Variants in TAF3 observed in about 807,000 individuals in gnomAD.
The protein encoded by TAF3 is transcription initiation factor TFIID subunit 3.
A neutral mutation model predicts 80.6 loss-of-function variants in TAF3; 7 were observed. The ratio of observed to expected loss-of-function variants is 0.09; its 90% CI spans 0.05 to 0.16. The LOEUF (loss-of-function observed/expected upper bound fraction) is 0.16, where lower values mean the gene tolerates loss of function less well. TAF3 is among the 10% of genes least tolerant of loss of function. The pLI, the probability that TAF3 is intolerant of heterozygous loss-of-function variation, is 1.00. For missense variants in TAF3, 921 were observed against 1,140.2 expected (o/e 0.81, Z 2.77); for synonymous variants, 444 against 446.1 (o/e 1.00, Z 0.06).
At chr10:7,997,178 T>G (rs1399093622) in intron 4 of TAF3, among the ~76,000 whole-genome samples, 3 of 152,240 alleles carry the variant, frequency 2.0e-5, no homozygotes, top group Non-Finnish European at 4.4e-5. Flanking sequence ...TTCTATAAAA[T>G]TCATGGAAGT....
In TAF3 at chr10:7,833,753, C is replaced by G. The variant is rs576822302; in HGVS notation, c.409+9193C>G. ...TCTCCTCAGTGGTGACTTGAGCTTT[C>G]TCCTTCTCATAGACATTCTGGATGG... On this transcript the variant is annotated intron_variant, in intron 2 of 6. Coordinates refer to ENST00000344293, the MANE Select transcript of TAF3 (RefSeq NM_031923.4). The G allele has an allele frequency of 8.2e-5, 21 of 254,778 alleles. No homozygotes were observed. In the South Asian group the frequency reaches 2.1e-3, roughly 25 times the overall value. The allele number at this position is 254,778 out of a possible 1,614,324, so 15.8% of individuals were successfully genotyped here. A position where few individuals can be genotyped will look rare whatever the true frequency, so the allele number is the denominator to read the frequency against.
At chr10:7,958,704 G>T (rs1838160129) in intron 2 of TAF3, among the ~76,000 whole-genome samples, 1 of 152,324 alleles carries the variant, frequency 6.6e-6, no homozygotes, top group South Asian at 2.1e-4. Context: ...GCAGGCGATG[G>T]CCTCGCAGGT....
chr10:7,964,463 C>T lies in TAF3; in HGVS notation c.953C>T (p.Pro318Leu). The stretch of plus-strand genomic sequence containing the variant: ...AAATCACCTGGACGTTCCAAGAGCC[C>T]CAAGAGTCCCAAGAGCCCCAAGGTC... ...EKKSPGRSKS[P>L]KSPKSPKVTT... is the part of the protein sequence containing the mutation. Residue 318 changes from proline to leucine, a missense_variant, in exon 3 of 7, where the codon CCC (proline) becomes CTC (leucine). This residue lies in a region of TAF3 where 743 missense variants were observed against 821.0 expected (regional missense o/e 0.90). Coordinates refer to ENST00000344293, the MANE Select transcript of TAF3 (RefSeq NM_031923.4). This position sits in a 1 kb window ranked among gnomAD's most constrained non-coding sequence, Gnocchi z 4.1. 6.2e-7 allele frequency: 1 copy of T among 1,613,652 alleles called. No individual in the cohort carries two copies. Among genetic ancestry groups the T allele is most frequent in the East Asian group, 2.2e-5 (1 of 44,860 alleles).
intron 4 of TAF3, among the ~76,000 whole-genome samples, chr10:8,006,078 T>G (rs1173023624): frequency 1.3e-5 from 2 of 151,946 alleles, no homozygotes; most frequent in African/African-American, 4.8e-5. Context: ...GCCTGTAATC[T>G]CAGCACTTTG....
intron 2 of TAF3, among the ~76,000 whole-genome samples, chr10:7,827,690 G>T (rs1288701511): frequency 6.6e-6 from 1 of 151,510 alleles, no homozygotes; most frequent in Non-Finnish European, 1.5e-5. Flanking sequence ...TGAGGCAGGA[G>T]AATGGCGTGA....
At chr10:7,856,775 G>A (rs944388267) in intron 2 of TAF3, among the ~76,000 whole-genome samples, 1 of 151,042 alleles carries the variant, frequency 6.6e-6, no homozygotes, top group Non-Finnish European at 1.5e-5. Context: ...CCAAAGATTA[G>A]GGTTTTATCT....
At chr10:7,902,675 C>G (rs2131172619) in intron 2 of TAF3, among the ~76,000 whole-genome samples, 1 of 152,218 alleles carries the variant, frequency 6.6e-6, no homozygotes, top group Non-Finnish European at 1.5e-5. Context: ...GTAAAGGTCA[C>G]TTTCTCCCTT....
At chr10:7,899,844 ATAT>A (rs911011271) in intron 2 of TAF3, among the ~76,000 whole-genome samples, 1 of 152,238 alleles carries the variant, frequency 6.6e-6, no homozygotes, top group Admixed American at 6.5e-5. Context: ...AGGGAAATGA[ATAT>A]ACACGTGCAC....
At chr10:7,864,772 CATT>C (rs1403148996) in intron 2 of TAF3, among the ~76,000 whole-genome samples, 1 of 151,982 alleles carries the variant, frequency 6.6e-6, no homozygotes, top group Non-Finnish European at 1.5e-5. Flanking sequence ...ATTTTATTAA[CATT>C]ATCTTTCAAG....
intron 4 of TAF3, among the ~76,000 whole-genome samples, chr10:7,978,790 T>G (rs939510550): frequency 6.6e-6 from 1 of 152,244 alleles, no homozygotes; most frequent in Non-Finnish European, 1.5e-5. Flanking sequence ...TTATATTTAT[T>G]CCCATGTCTC....
intron 4 of TAF3, among the ~76,000 whole-genome samples, chr10:8,007,799 G>T (rs1832011323): frequency 6.6e-6 from 1 of 151,560 alleles, no homozygotes. Context: ...TTTGTAAAGT[G>T]CCTAGTATAA....
intron 2 of TAF3, among the ~76,000 whole-genome samples, chr10:7,826,518 T>A (rs775403792): frequency 2.6e-5 from 4 of 152,222 alleles, no homozygotes; most frequent in Non-Finnish European, 5.9e-5. Flanking sequence ...TTTTTGGGTT[T>A]CTTTTCTGGG....
At chr10:7,832,890 T>C (rs1051686501) in intron 2 of TAF3, among the ~76,000 whole-genome samples, 20 of 152,192 alleles carry the variant, frequency 1.3e-4, no homozygotes, top group Non-Finnish European at 2.2e-4. Context: ...ATTCCAGTTA[T>C]ACTCTTTTAG....
intron 2 of TAF3, among the ~76,000 whole-genome samples, chr10:7,830,875 G>T (rs997639204): frequency 1.3e-5 from 2 of 152,140 alleles, no homozygotes; most frequent in Admixed American, 6.6e-5. Context: ...TTGATCTGCA[G>T]AGTGCCCCAC....
intron 4 of TAF3, among the ~76,000 whole-genome samples, chr10:8,000,584 T>C (rs1831934346): frequency 6.6e-6 from 1 of 151,746 alleles, no homozygotes; most frequent in Admixed American, 6.6e-5. Flanking sequence ...CTGGGCAACA[T>C]AGCAAAACCC....
chr10:7,987,174 T>C (rs1225291188), intron 4 of TAF3, among the ~76,000 whole-genome samples: 1 of 152,080 alleles, frequency 6.6e-6, no homozygotes, highest in Non-Finnish European at 1.5e-5. Context: ...ATAGAAAAAT[T>C]AGCCAGGTAT....
chr10:7,899,800 TAAACA>T (rs1301752321), intron 2 of TAF3, among the ~76,000 whole-genome samples: 1 of 152,200 alleles, frequency 6.6e-6, no homozygotes, highest in Non-Finnish European at 1.5e-5. Context: ...GTTGTAAAAA[TAAACA>T]AAACTGTTTA....
At chr10:7,858,720 T>C (rs967005762) in intron 2 of TAF3, among the ~76,000 whole-genome samples, 1 of 152,248 alleles carries the variant, frequency 6.6e-6, no homozygotes, top group African/African-American at 2.4e-5. Context: ...CCGGGACATA[T>C]TCACATGCTT....
At chr10:7,843,898 A>G in intron 2 of TAF3, among the ~76,000 whole-genome samples, 1 of 152,168 alleles carries the variant, frequency 6.6e-6, no homozygotes, top group South Asian at 2.1e-4. Flanking sequence ...ATTTTGCAGT[A>G]TAAATAAGAA....
Sources: allele counts gnomAD v4.1 joint callset (sites outside exome capture counted in the v4.1 genomes callset), GRCh38; gene constraint gnomAD v4.1.1; regional missense constraint gnomAD v4.1.1; non-coding constraint Gnocchi (gnomAD v3.1); transcripts MANE v1.5; gene names NCBI Gene and HGNC (gene_info 2026-07-23, HGNC 2026-07-21).